HTATIP2: variants seen among roughly 807,000 people sequenced by gnomAD.
HTATIP2 encodes protein HTATIP2.
In HTATIP2, 26 loss-of-function variants were observed where a neutral mutation model predicts 24.7. That is an observed-to-expected ratio of 1.05 (90% CI 0.77 to 1.46). The LOEUF (loss-of-function observed/expected upper bound fraction) is 1.46, where lower values mean the gene tolerates loss of function less well. HTATIP2 is among the 40% of genes most tolerant of loss of function. HTATIP2 has a pLI of 0.00. For missense variants in HTATIP2, 284 were observed against 289.6 expected, an observed-to-expected ratio of 0.98 and a Z score of 0.14; for synonymous variants, 99 against 113.2, an observed-to-expected ratio of 0.87 and a Z score of 0.79.
chr11:20,379,615 T>C (rs879337340), intron 3 of HTATIP2, among the ~76,000 whole-genome samples: 1 of 152,204 alleles, frequency 6.6e-6, no homozygotes, highest in African/African-American at 2.4e-5. Flanking sequence ...AATCATGTGC[T>C]TTATGGGCAT....
chr11:20,363,878 C>A lies in HTATIP2; in HGVS notation c.-360C>A. The A allele has an allele frequency of 8.0e-7, 1 of 1,244,116 alleles. No homozygotes were observed. The highest frequency in any genetic ancestry group is 1.0e-6 in the Non-Finnish European group (1 of 990,650). 77.1% of individuals were successfully genotyped at this position (1,244,116 alleles called of 1,614,324 possible). The stretch of plus-strand genomic sequence containing the variant: ...TCTGGCGGCCGCCCTGCTCCTGCTG[C>A]GTCGTGAGGACCCGGGGCCGGGGGC... On this transcript the variant is annotated 5_prime_UTR_variant, in exon 1 of 5. Transcript: ENST00000451739.
chr11:20,377,187 C>G (rs897703861), intron 3 of HTATIP2, among the ~76,000 whole-genome samples: 1 of 148,856 alleles, frequency 6.7e-6, no homozygotes, highest in Admixed American at 6.7e-5. Flanking sequence ...GATCTTGGCT[C>G]GCTGCAGCCT....
intron 3 of HTATIP2, among the ~76,000 whole-genome samples, chr11:20,378,527 C>T (rs751834515): frequency 2.0e-5 from 3 of 152,080 alleles, no homozygotes; most frequent in Non-Finnish European, 2.9e-5. Flanking sequence ...AGGATTTTTG[C>T]TCTCATTAGC....
Position 20,368,653 on chromosome 11 carries a change from C to T in HTATIP2, c.303+1372C>T, listed in dbSNP as rs147230025. 9.8e-5 allele frequency among the ~76,000 whole-genome samples: 15 copies of T among 152,330 alleles called. No homozygotes were observed. The East Asian group carries it at 2.9e-3, about 29-fold the overall frequency. ...ACTGCAGGTTTGTCTCAAGTGCCAACCTGGTTTTGGTGGTGAGTCAGCAAA... is the reference window on the plus strand; with the variant it reads ...ACTGCAGGTTTGTCTCAAGTGCCAATCTGGTTTTGGTGGTGAGTCAGCAAA... On this transcript the variant is annotated intron_variant, in intron 2 of 4. Transcript: ENST00000451739.
chr11:20,367,114 G>A (rs1172580383), intron 1 of HTATIP2, 60 bp from the exon 2 acceptor site: 1 of 1,584,324 alleles, frequency 6.3e-7, no homozygotes, highest in Non-Finnish European at 8.6e-7. Flanking sequence ...AAATCTAGAG[G>A]GGGTTTTTGG....
intron 2 of HTATIP2, among the ~76,000 whole-genome samples, chr11:20,369,028 T>A (rs932522480): frequency 6.6e-5 from 10 of 152,182 alleles, no homozygotes; most frequent in African/African-American, 2.4e-4. Flanking sequence ...GAAAGCAAGC[T>A]GACACTTATA....
At chr11:20,369,492 T>G (rs539939870) in intron 2 of HTATIP2, among the ~76,000 whole-genome samples, 2 of 152,194 alleles carry the variant, frequency 1.3e-5, no homozygotes, top group African/African-American at 4.8e-5. Flanking sequence ...CCCAAGTAGC[T>G]TGAACAACAG....
Position 20,364,170 on chromosome 11 carries a change from C to T in HTATIP2, c.-68C>T, listed in dbSNP as rs2064667291. On this transcript the variant is annotated 5_prime_UTR_variant, in exon 1 of 5. Coordinates refer to ENST00000451739, the MANE Select transcript of HTATIP2 (RefSeq NM_001098522.2). ...CCCTAACAGATAAACAGCCCTTGTT[C>T]CTCGGGATAAGGACTGGCAGTCCCC... 6.6e-7 allele frequency: 1 copy of T among 1,511,934 alleles called. No homozygotes were observed. Among genetic ancestry groups the T allele is most frequent in the Non-Finnish European group, 8.9e-7 (1 of 1,127,654 alleles). The allele number at this position is 1,511,934 out of a possible 1,614,324, so 93.7% of individuals were successfully genotyped here.
intron 1 of HTATIP2, among the ~76,000 whole-genome samples, chr11:20,365,738 G>A (rs767532008): frequency 4.1e-4 from 63 of 152,184 alleles, no homozygotes; most frequent in Non-Finnish European, 8.1e-4. Flanking sequence ...TTGGGAGTCC[G>A]AGGCAGGGGA....
At chr11:20,370,657 A>T (rs2064762361) in intron 2 of HTATIP2, among the ~76,000 whole-genome samples, 1 of 150,426 alleles carries the variant, frequency 6.6e-6, no homozygotes, top group Non-Finnish European at 1.5e-5. Context: ...TTATGTATAT[A>T]TTTTTTTTTT....
chr11:20,379,894 T>A (rs1383897146), intron 3 of HTATIP2, among the ~76,000 whole-genome samples: 1 of 152,218 alleles, frequency 6.6e-6, no homozygotes, highest in Admixed American at 6.5e-5. Flanking sequence ...ATAGTCATAC[T>A]CACAGCTACA....
chr11:20,368,984 A>T (rs1413234882), intron 2 of HTATIP2, among the ~76,000 whole-genome samples: 1 of 152,226 alleles, frequency 6.6e-6, no homozygotes, highest in Admixed American at 6.5e-5. Flanking sequence ...TTAGAAATGA[A>T]TTAGGACTTA....
intron 4 of HTATIP2, 24 bp from the exon 5 acceptor site, chr11:20,382,956 C>CTTTT (rs201853886): frequency 1.1e-6 from 1 of 925,500 alleles, no homozygotes; most frequent in East Asian, 3.0e-5. Flanking sequence ...GCTTTTCTTT[C>CTTTT]TTTTTTTTTT....
intron 3 of HTATIP2, among the ~76,000 whole-genome samples, chr11:20,380,044 C>T (rs893143534): frequency 6.6e-6 from 1 of 152,190 alleles, no homozygotes; most frequent in Non-Finnish European, 1.5e-5. Flanking sequence ...ATGTCTCCAG[C>T]GATGAACGTT....
chr11:20,367,211 A>G lies in HTATIP2; in HGVS notation c.233A>G (p.Tyr78Cys), dbSNP rs2064719431. ...EVVDFEKLDD[Y>C]ASAFQGHDVG... ...GTGGACTTTGAAAAGTTGGATGACT[A>G]CGCCTCTGCCTTTCAAGGTCATGAT... is the stretch of plus-strand genomic sequence containing the variant. The change falls in exon 2 of 5, where the codon TAC (tyrosine) becomes TGC (cysteine). Residue 78 changes from tyrosine (Y) to cysteine (C), a missense_variant. Transcript: ENST00000451739. The G allele has an allele frequency of 3.1e-6, 5 of 1,613,948 alleles. No individual in the cohort carries two copies. The highest frequency in any genetic ancestry group is 1.3e-5 in the African/African-American group (1 of 74,922).
In HTATIP2 at chr11:20,363,962, C is replaced by A. The variant is rs556030692; in HGVS notation, c.-276C>A. The A allele has an allele frequency of 6.4e-6, 8 of 1,243,866 alleles. No homozygotes were observed. In the African/African-American group the frequency reaches 9.3e-5, roughly 14 times the overall value. The allele number at this position is 1,243,866 out of a possible 1,614,324, so 77.1% of individuals were successfully genotyped here. A position where few individuals can be genotyped will look rare whatever the true frequency, so the allele number is the denominator to read the frequency against. On this transcript the variant is annotated 5_prime_UTR_variant, in exon 1 of 5. Transcript: ENST00000451739. ...AGCTGGGCCAGGTCTCCTGGCCGGG[C>A]CGGGGATACCGTGGGGTATGCCCAG...
Position 20,363,904 on chromosome 11 carries a change from T to A in HTATIP2, c.-334T>A, listed in dbSNP as rs2064662619. ...GTCGTGAGGACCCGGGGCCGGGGGC[T>A]GGCCCCAGGTAACCCCTCCGCGTAT... On this transcript the variant is annotated 5_prime_UTR_variant, in exon 1 of 5. Transcript: ENST00000451739. The A allele has an allele frequency of 3.2e-6, 4 of 1,242,430 alleles. No individual in the cohort carries two copies. The Admixed American group carries it at 1.7e-4, about 52-fold the overall frequency. The allele number at this position is 1,242,430 out of a possible 1,614,324, so 77.0% of individuals were successfully genotyped here. A position where few individuals can be genotyped will look rare whatever the true frequency, so the allele number is the denominator to read the frequency against.
intron 2 of HTATIP2, among the ~76,000 whole-genome samples, chr11:20,368,230 A>G (rs375597436): frequency 6.6e-6 from 1 of 152,104 alleles, no homozygotes; most frequent in East Asian, 1.9e-4. Context: ...CTGCCATGGG[A>G]ATTCTCCTTA....
intron 2 of HTATIP2, among the ~76,000 whole-genome samples, chr11:20,367,956 G>A (rs1330106650): frequency 2.0e-5 from 3 of 152,110 alleles, no homozygotes; most frequent in African/African-American, 7.2e-5. Context: ...GTTAGTGCGG[G>A]TACATCTTAT....
Sources: allele counts gnomAD v4.1 joint callset (sites outside exome capture counted in the v4.1 genomes callset), GRCh38; gene constraint gnomAD v4.1.1; transcripts MANE v1.5; gene names NCBI Gene and HGNC (gene_info 2026-07-23, HGNC 2026-07-21).